Variants in BICDL1 observed in about 807,000 individuals in gnomAD.
BICDL1 encodes the protein BICD family like cargo adaptor 1.
A neutral mutation model predicts 76.8 loss-of-function variants in BICDL1; 20 were observed. The ratio of observed to expected loss-of-function variants is 0.26; its 90% confidence interval spans 0.18 to 0.38. The LOEUF is 0.38. Ranked by LOEUF, BICDL1 falls within the 10% of genes least tolerant of loss-of-function variation. BICDL1 has a pLI of 1.00. For missense variants in BICDL1, 700 were observed against 798.6 expected, an observed-to-expected ratio of 0.88 and a Z score of 1.49; for synonymous variants, 383 against 337.1, an observed-to-expected ratio of 1.14 and a Z score of -1.49.
chr12:119,998,514 C>T lies in BICDL1; in HGVS notation c.430-7C>T. ...TCAGTGTTTAAATCCCTTCACTTTT[C>T]ACCCAGCACTTAGAGCAAGAGAAAC... On this transcript the variant is annotated splice_region_variant and splice_polypyrimidine_tract_variant and intron_variant, in intron 1 of 9. Coordinates refer to ENST00000548673, the MANE Select transcript of BICDL1 (RefSeq NM_001367886.1). The T allele has an allele frequency of 1.3e-6, 2 of 1,588,982 alleles. No individual in the cohort carries two copies. The highest frequency in any genetic ancestry group is 1.1e-5 in the South Asian group (1 of 87,888).
At chr12:119,993,215 G>C (rs773730364) in intron 1 of BICDL1, 1 of 151,272 alleles carries the variant, frequency 6.6e-6, no homozygotes, top group African/African-American at 2.4e-5. Flanking sequence ...CGCCTGCCTC[G>C]GCCTCCCAAA....
intron 2 of BICDL1, among the ~76,000 whole-genome samples, chr12:120,056,834 C>T (rs1594177253): frequency 6.6e-6 from 1 of 152,282 alleles, no homozygotes; most frequent in East Asian, 1.9e-4. Flanking sequence ...GGCCAGGCCT[C>T]GAGCATGAGC....
rs953302854 is a variant in BICDL1 at position 119,989,240 on chromosome 12, A to G, written c.-629A>G. Among the ~76,000 whole-genome samples, 10 of 149,930 alleles carry G rather than the reference A, an allele frequency of 6.7e-5. No individual in the cohort carries two copies. The highest frequency in any genetic ancestry group is 2.1e-4 in the South Asian group (1 of 4,814). ...CCGGGAGGAGCCGGGGAAGGCAGGAAGGAGCTCGCCGGGTTGCGCGGCGCG... is the reference window on the plus strand; with the variant it reads ...CCGGGAGGAGCCGGGGAAGGCAGGAGGGAGCTCGCCGGGTTGCGCGGCGCG... On this transcript the variant is annotated 5_prime_UTR_variant, in exon 1 of 10. Coordinates refer to ENST00000548673, the MANE Select transcript of BICDL1 (RefSeq NM_001367886.1).
At chr12:120,018,078 T>C (rs1250945062) in intron 2 of BICDL1, among the ~76,000 whole-genome samples, 1 of 152,254 alleles carries the variant, frequency 6.6e-6, no homozygotes, top group Non-Finnish European at 1.5e-5. Context: ...ATGCTATTCC[T>C]GTGTTCTAAA....
intron 8 of BICDL1, among the ~76,000 whole-genome samples, chr12:120,081,344 CT>C (rs1175261409): frequency 7.2e-6 from 1 of 139,618 alleles, no homozygotes; most frequent in East Asian, 2.2e-4. Context: ...TCTTAAAGAG[CT>C]TTCCTTTTTT....
At chr12:120,074,671 A>G in intron 7 of BICDL1, 85 bp downstream of exon 7, 8 of 974,780 alleles carry the variant, frequency 8.2e-6, no homozygotes, top group Non-Finnish European at 9.8e-6. Context: ...TCTCTCTCCC[A>G]TTTCTGTGTG....
chr12:120,026,038 A>G (rs1952293517), intron 2 of BICDL1, among the ~76,000 whole-genome samples: 2 of 152,054 alleles, frequency 1.3e-5, no homozygotes, highest in Admixed American at 1.3e-4. Flanking sequence ...GGGTTTCGCC[A>G]TGTTGGCCAG....
intron 2 of BICDL1, among the ~76,000 whole-genome samples, chr12:120,049,697 C>T (rs778787191): frequency 2.0e-5 from 3 of 152,160 alleles, no homozygotes; most frequent in Non-Finnish European, 4.4e-5. Context: ...TCACTCTGTC[C>T]TTTCTGGAAC....
At chr12:120,057,818 C>CTTTTT (rs143777152) in intron 2 of BICDL1, among the ~76,000 whole-genome samples, 12 of 78,324 alleles carry the variant, frequency 1.5e-4, no homozygotes, top group South Asian at 5.0e-4. Context: ...GCGATTCCTG[C>CTTTTT]TTTTTTTTTT....
chr12:120,004,791 C>T (rs1594102224), intron 2 of BICDL1, among the ~76,000 whole-genome samples: 1 of 152,098 alleles, frequency 6.6e-6, no homozygotes, highest in African/African-American at 2.4e-5. Context: ...CTAGTTTTGC[C>T]TCTATCCTAA....
intron 2 of BICDL1, among the ~76,000 whole-genome samples, chr12:120,004,135 A>G (rs1050678189): frequency 6.6e-6 from 1 of 152,234 alleles, no homozygotes; most frequent in Non-Finnish European, 1.5e-5. Context: ...CTTCAAGAGT[A>G]AAACTCGAGA....
chr12:120,090,329 C>G, intron 9 of BICDL1: 1 of 414,812 alleles, frequency 2.4e-6, no homozygotes, highest in Non-Finnish European at 4.3e-6. Flanking sequence ...AATGGGGCCC[C>G]CTTTCAGCTG....
chr12:120,058,840 C>T (rs1313124295), intron 2 of BICDL1, among the ~76,000 whole-genome samples: 1 of 152,026 alleles, frequency 6.6e-6, no homozygotes, highest in African/African-American at 2.4e-5. Flanking sequence ...ATCCACCCAC[C>T]TCAGCCTCCC....
At chr12:120,004,185 G>A (rs1453327035) in intron 2 of BICDL1, among the ~76,000 whole-genome samples, 1 of 152,086 alleles carries the variant, frequency 6.6e-6, no homozygotes, top group Non-Finnish European at 1.5e-5. Context: ...GATTTATTTA[G>A]GTATTGTGCT....
Position 120,093,534 on chromosome 12 carries a change from T to A in BICDL1, c.*373T>A, listed in dbSNP as rs1875168775. ...CTGCTGCCTCCTTGATTTTAGCAAA[T>A]GGGGAACAGAAGGAATGGAGGCCCT... On this transcript the variant is annotated 3_prime_UTR_variant, in exon 10 of 10. Coordinates refer to ENST00000548673, the MANE Select transcript of BICDL1 (RefSeq NM_001367886.1). 4.3e-6 allele frequency: 1 copy of A among 232,302 alleles called. No homozygotes were observed. Among genetic ancestry groups the A allele is most frequent in the Admixed American group, 5.2e-5 (1 of 19,382 alleles). 14.4% of individuals were successfully genotyped at this position (232,302 alleles called of 1,614,324 possible). A position where few individuals can be genotyped will look rare whatever the true frequency, so the allele number is the denominator to read the frequency against.
intron 2 of BICDL1, among the ~76,000 whole-genome samples, chr12:120,028,447 G>A (rs1952353678): frequency 6.6e-6 from 1 of 152,144 alleles, no homozygotes. Context: ...GGCCAAGGCA[G>A]GCAGATCACT....
intron 2 of BICDL1, among the ~76,000 whole-genome samples, chr12:120,047,863 G>A (rs538957750): frequency 6.6e-6 from 1 of 151,958 alleles, no homozygotes; most frequent in South Asian, 2.1e-4. Context: ...CTTTATATTG[G>A]CTGCTTCATA....
rs183900081 is a variant in BICDL1 at position 120,074,382 on chromosome 12, C to G, written c.1309-61C>G. The G allele has an allele frequency of 1.2e-4, 117 of 1,013,462 alleles. 1 individual carries two copies. In the African/African-American group the frequency reaches 1.6e-3, roughly 14 times the overall value. 62.8% of individuals were successfully genotyped at this position (1,013,462 alleles called of 1,614,324 possible). On this transcript the variant is annotated intron_variant, in intron 6 of 9. Transcript: ENST00000548673. The stretch of plus-strand genomic sequence containing the variant: ...CTCCCCGACTAACCATCTCTCTCCC[C>G]CTTCCCTATCTCTCCTGTACCCTTA...
At chr12:120,080,733 C>CTGT in intron 7 of BICDL1, 154 bp from the exon 8 acceptor site, 10 of 659,622 alleles carry the variant, frequency 1.5e-5, no homozygotes, top group Non-Finnish European at 2.5e-5. Flanking sequence ...AGAGACAGGC[C>CTGT]CTCTCTTGAA....
Sources: allele counts gnomAD v4.1 joint callset (sites outside exome capture counted in the v4.1 genomes callset), GRCh38; gene constraint gnomAD v4.1.1; transcripts MANE v1.5; gene names NCBI Gene and HGNC (gene_info 2026-07-23, HGNC 2026-07-21).